SETD2: variants seen among roughly 807,000 people sequenced by gnomAD.
The protein encoded by SETD2 is histone-lysine N-methyltransferase SETD2.
Under a neutral mutation model 242.1 loss-of-function variants are expected in SETD2, and 31 were observed. The ratio of observed to expected loss-of-function variants is 0.13; its 90% CI spans 0.10 to 0.17. The LOEUF (loss-of-function observed/expected upper bound fraction) is 0.17. Among genes scored for constraint, SETD2 ranks in the 10% least tolerant of loss-of-function variants. SETD2 has a pLI of 1.00. For synonymous variants in SETD2, 1,006 were observed against 1,066.5 expected (o/e 0.94, Z 1.11); for missense variants, 2,481 against 3,046.3 (o/e 0.81, Z 4.37).
At chr3:47,098,211 C>CCA (rs1575768529) in intron 8 of SETD2, 130 bp from the exon 9 acceptor site, 3 of 775,210 alleles carry the variant, frequency 3.9e-6, no homozygotes, top group Non-Finnish European at 5.7e-6. Flanking sequence ...TGAAGAGATT[C>CCA]CAACAAGTCT....
At chr3:47,119,292 CTCATTA>C (rs1309202718) in intron 3 of SETD2, among the ~76,000 whole-genome samples, 1 of 152,020 alleles carries the variant, frequency 6.6e-6, no homozygotes, top group African/African-American at 2.4e-5. Context: ...TACTCTTATT[CTCATTA>C]TAATTTGTTT....
intron 1 of SETD2, among the ~76,000 whole-genome samples, chr3:47,158,730 CTG>C (rs1227876063): frequency 6.6e-6 from 1 of 152,146 alleles, no homozygotes; most frequent in Non-Finnish European, 1.5e-5. Flanking sequence ...ACATTTTTGA[CTG>C]TGTTGCAGAT....
chr3:47,019,182 T>A (rs915504351), intron 19 of SETD2, among the ~76,000 whole-genome samples: 2 of 152,324 alleles, frequency 1.3e-5, no homozygotes, highest in East Asian at 3.9e-4. Context: ...CCTGGAGAAT[T>A]AGGCAGCTAC....
intron 1 of SETD2, among the ~76,000 whole-genome samples, chr3:47,140,603 G>A (rs753808241): frequency 3.3e-5 from 5 of 152,236 alleles, no homozygotes; most frequent in African/African-American, 4.8e-5. Flanking sequence ...GCTCACGCCT[G>A]TAATCTCAGC....
intron 18 of SETD2, among the ~76,000 whole-genome samples, chr3:47,021,934 G>A (rs1239152971): frequency 6.6e-6 from 1 of 151,362 alleles, no homozygotes; most frequent in Non-Finnish European, 1.5e-5. Context: ...GGATCACGAG[G>A]TCAAGAGATC....
At chr3:47,030,149 GA>G (rs1228198889) in intron 18 of SETD2, among the ~76,000 whole-genome samples, 2 of 150,462 alleles carry the variant, frequency 1.3e-5, no homozygotes, top group African/African-American at 4.9e-5. Flanking sequence ...ACCCTGTCTT[GA>G]AAAAAAATAA....
At chr3:47,160,091 A>G (rs1274909116) in intron 1 of SETD2, among the ~76,000 whole-genome samples, 2 of 152,058 alleles carry the variant, frequency 1.3e-5, no homozygotes, top group Admixed American at 6.5e-5. Flanking sequence ...CAACACCTTG[A>G]AACTATTCCC....
At chr3:47,059,786 TTTTA>T (rs1377757505) in intron 14 of SETD2, among the ~76,000 whole-genome samples, 12 of 151,552 alleles carry the variant, frequency 7.9e-5, no homozygotes, top group Admixed American at 3.3e-4. Flanking sequence ...ACTGTATGCA[TTTTA>T]TTTATTTATT....
intron 18 of SETD2, among the ~76,000 whole-genome samples, chr3:47,037,006 T>G (rs1278882892): frequency 6.9e-6 from 1 of 144,322 alleles, no homozygotes; most frequent in African/African-American, 2.5e-5. Flanking sequence ...CTCCCTCAAA[T>G]GAGTAAGTAG....
intron 1 of SETD2, among the ~76,000 whole-genome samples, chr3:47,154,140 A>G (rs9843075): frequency 0.67 from 101,814 of 152,080 alleles, 34,725 homozygotes; most frequent in African/African-American, 0.8. Flanking sequence ...GCCAGGCGCG[A>G]TGGCTCACAC....
At chr3:47,060,756 ATAAT>A (rs2040295778) in intron 14 of SETD2, among the ~76,000 whole-genome samples, 1 of 152,226 alleles carries the variant, frequency 6.6e-6, no homozygotes, top group Non-Finnish European at 1.5e-5. Context: ...CAGCTAAACC[ATAAT>A]TAATAAATTC....
intron 15 of SETD2, among the ~76,000 whole-genome samples, chr3:47,054,375 T>A (rs1249042452): frequency 6.6e-6 from 1 of 152,202 alleles, no homozygotes; most frequent in Non-Finnish European, 1.5e-5. Flanking sequence ...GAGTCTTTAA[T>A]GGATATCTTT....
At chr3:47,068,489 CTATCTT>C (rs1302824778) in intron 12 of SETD2, among the ~76,000 whole-genome samples, 5,329 of 142,150 alleles carry the variant, frequency 0.037, 274 homozygotes, top group African/African-American at 0.13. Flanking sequence ...TTCAAATACA[CTATCTT>C]TTTTTTTTTT....
intron 18 of SETD2, among the ~76,000 whole-genome samples, chr3:47,034,309 T>C (rs892731696): frequency 2.0e-4 from 31 of 152,198 alleles, no homozygotes; most frequent in African/African-American, 7.2e-4. Flanking sequence ...TTAGGAGGAA[T>C]GTTTTCTCTT....
At chr3:47,091,421 G>C (rs1056179430) in intron 9 of SETD2, among the ~76,000 whole-genome samples, 8 of 152,128 alleles carry the variant, frequency 5.3e-5, no homozygotes, top group Non-Finnish European at 1.0e-4. Context: ...GAGGCCAGGA[G>C]TTCGGGACCA....
At position 47,122,597 on chromosome 3, in the gene SETD2, T is replaced by C. The variant is rs1189208237; in HGVS notation, c.2039A>G (p.Glu680Gly). 6.2e-7 allele frequency: 1 copy of C among 1,614,134 alleles called. No homozygotes were observed. The highest frequency in any genetic ancestry group is 1.7e-5 in the Admixed American group (1 of 60,012). Residue 680 changes from glutamate to glycine, a missense_variant, in exon 3 of 21, where the codon GAA becomes GGA. By Grantham distance (98) the Glu-to-Gly change is moderately conservative. Coordinates refer to ENST00000409792, the MANE Select transcript of SETD2 (RefSeq NM_014159.7). ...AGTGCAAAATGTTGCCAAATCAGAT[T>C]CTGCCCCAGGAGATCCATTTATATT... Reference protein sequence around the residue: ...ELNINGSPGAESDLATFCTSK... With the variant: ...ELNINGSPGAGSDLATFCTSK...
At chr3:47,070,990 C>T (rs1246896634) in intron 12 of SETD2, among the ~76,000 whole-genome samples, 1 of 152,110 alleles carries the variant, frequency 6.6e-6, no homozygotes, top group Non-Finnish European at 1.5e-5. Flanking sequence ...CCTGTCTTAG[C>T]CTCCCGAAGT....
At chr3:47,059,303 G>C (rs2040233651) in intron 14 of SETD2, among the ~76,000 whole-genome samples, 1 of 150,242 alleles carries the variant, frequency 6.7e-6, no homozygotes, top group Non-Finnish European at 1.5e-5. Context: ...TCTTAGTAGA[G>C]ACAGGTTTCA....
In SETD2 at chr3:47,084,355, T is replaced by C; in HGVS notation, c.5425A>G (p.Ile1809Val). 6.2e-7 allele frequency: 1 copy of C among 1,613,078 alleles called. No homozygotes were observed. The highest frequency in any genetic ancestry group is 8.5e-7 in the Non-Finnish European group (1 of 1,179,372). The change falls in exon 12 of 21, where the codon ATT becomes GTT. Residue 1809 changes from isoleucine (I) to valine (V), a missense_variant. By Grantham distance (29) the Ile-to-Val change is conservative. Coordinates refer to ENST00000409792, the MANE Select transcript of SETD2 (RefSeq NM_014159.7). ...EIIKTLEHLP[I>V]PTKNMLEESK... ...TCCTCCAACATATTTTTAGTAGGAATGGGCAAGTGTTCCAAAGTCTTTATA... is the reference window on the plus strand; with the variant it reads ...TCCTCCAACATATTTTTAGTAGGAACGGGCAAGTGTTCCAAAGTCTTTATA...
Sources: allele counts gnomAD v4.1 joint callset (sites outside exome capture counted in the v4.1 genomes callset), GRCh38; gene constraint gnomAD v4.1.1; transcripts MANE v1.5; gene names NCBI Gene and HGNC (gene_info 2026-07-23, HGNC 2026-07-21).